The following TNKS1BP1 variants were observed in gnomAD, a reference collection of about 807,000 sequenced individuals.
The protein encoded by TNKS1BP1 is 182 kDa tankyrase-1-binding protein.
A neutral mutation model predicts 141.1 loss-of-function variants in TNKS1BP1; 48 were observed. The observed-to-expected ratio is 0.34, with a 90% CI of 0.27 to 0.43. The LOEUF (loss-of-function observed/expected upper bound fraction) is 0.43. TNKS1BP1 is among the 20% of genes least tolerant of loss of function. The probability of loss-of-function intolerance (pLI) is 1.00; values close to 1 mark genes in which losing one functional copy is unlikely to be tolerated. For synonymous variants in TNKS1BP1, 875 were observed against 898.2 expected (o/e 0.97, Z 0.46); for missense variants, 2,149 against 2,226.0 (o/e 0.97, Z 0.70).
chr11:57,308,776 C>T lies in TNKS1BP1; in HGVS notation c.3935G>A (p.Gly1312Asp). The T allele has an allele frequency of 1.2e-6, 2 of 1,614,032 alleles. No individual in the cohort carries two copies. Among genetic ancestry groups the T allele is most frequent in the Non-Finnish European group, 1.7e-6 (2 of 1,179,994 alleles). Residue 1312 changes from glycine (G) to aspartate (D), a missense_variant, in exon 6 of 12, where the codon GGT becomes GAT. Coordinates refer to ENST00000358252, the MANE Select transcript of TNKS1BP1 (RefSeq NM_033396.3). ...CAAATCCCTCAGGCCCAGATTGTTACCCCAGTCCATCTGGCCCACCCCAAG... is the reference window on the plus strand; with the variant it reads ...CAAATCCCTCAGGCCCAGATTGTTATCCCAGTCCATCTGGCCCACCCCAAG... ...KELGVGQMDW[G>D]NNLGLRDLEV... is the part of the protein sequence containing the mutation.
At position 57,320,195 on chromosome 11, in the gene TNKS1BP1, C is replaced by T. The variant is rs200073928; in HGVS notation, c.612G>A (p.Thr204=). The T allele has an allele frequency of 3.7e-6, 6 of 1,614,064 alleles. No homozygotes were observed. Among genetic ancestry groups the T allele is most frequent in the Middle Eastern group, 1.6e-4 (1 of 6,084 alleles). The change falls in exon 3 of 12, where the codon ACG becomes ACA. Residue 204 remains threonine, a synonymous_variant. Coordinates refer to ENST00000358252, the MANE Select transcript of TNKS1BP1 (RefSeq NM_033396.3). ...SSRYGPRTYG[T]TTAPRDEDGS... is the part of the protein sequence containing the mutation. ...CATCCTCATCCCTGGGAGCAGTGGT[C>T]GTGCCATAGGTCCTGGGGCCATATC...
In TNKS1BP1 at chr11:57,302,160, T is replaced by G. The variant is rs780691742; in HGVS notation, c.4748A>C (p.His1583Pro). Residue 1583 changes from histidine (H) to proline (P), a missense_variant, in exon 8 of 12, where the codon CAC (histidine) becomes CCC (proline). Transcript: ENST00000358252. The surrounding 1 kb of genome is among the most constrained non-coding windows in gnomAD (Gnocchi z 5.5). The stretch of plus-strand genomic sequence containing the variant: ...CCCAGGCCGAATGACCGGGGCCCGG[T>G]GCCCACGCTTGCGCCCCAAGTTGGC... ...SRANLGRKRG[H>P]RAPVIRPGGT... is the part of the protein sequence containing the mutation. 5 of 1,613,318 alleles carry G rather than the reference T, an allele frequency of 3.1e-6. No homozygotes were observed.
chr11:57,321,744 T>TGGCCCCCC, intron 2 of TNKS1BP1, 48 bp downstream of exon 2: 1 of 1,039,822 alleles, frequency 9.6e-7, no homozygotes, highest in Non-Finnish European at 1.5e-6. Flanking sequence ...CCTCTGTCCT[T>TGGCCCCCC]CCCACCCCCC....
intron 3 of TNKS1BP1, 59 bp downstream of exon 3, chr11:57,320,020 C>CCCCCCCCCCACCCCA: frequency 5.8e-6 from 7 of 1,213,892 alleles, no homozygotes; most frequent in Non-Finnish European, 7.0e-6. Context: ...AGCCCCCACC[C>CCCCCCCCCCACCCCA]AATCCCACCC....
chr11:57,314,574 GGCT>G (rs931794324), intron 4 of TNKS1BP1, among the ~76,000 whole-genome samples: 3 of 152,198 alleles, frequency 2.0e-5, no homozygotes, highest in African/African-American at 7.2e-5. Flanking sequence ...TGTACATTAG[GGCT>G]GGTGGCAACA....
intron 6 of TNKS1BP1, chr11:57,303,073 G>C (rs553254745): frequency 7.0e-5 from 31 of 441,312 alleles, no homozygotes; most frequent in African/African-American, 5.3e-4. Context: ...AACAGCTCAG[G>C]CTCCTCTAAC....
chr11:57,306,292 A>AG (rs1855608908), intron 6 of TNKS1BP1, among the ~76,000 whole-genome samples: 1 of 146,084 alleles, frequency 6.8e-6, no homozygotes, highest in African/African-American at 2.5e-5. Flanking sequence ...TTTCAAAAAA[A>AG]AAAAGAGAAA....
chr11:57,307,369 C>A lies in TNKS1BP1; in HGVS notation c.4316+1026G>T, dbSNP rs532046766. On this transcript the variant is annotated intron_variant, in intron 6 of 11. Coordinates refer to ENST00000358252, the MANE Select transcript of TNKS1BP1 (RefSeq NM_033396.3). ...GTGGTTCCCTGTGCTCCGTCACCAC[C>A]CCGTCAACAGCCTGAGTCGTCAGGA... Among the ~76,000 whole-genome samples the A allele has an allele frequency of 4.6e-5, 7 of 152,258 alleles. No individual in the cohort carries two copies. The South Asian group carries it at 1.2e-3, about 27-fold the overall frequency.
intron 6 of TNKS1BP1, among the ~76,000 whole-genome samples, chr11:57,306,298 A>G (rs1855609385): frequency 1.3e-5 from 2 of 151,916 alleles, no homozygotes; most frequent in Non-Finnish European, 2.9e-5. Flanking sequence ...AAAAAAAAAG[A>G]GAAAGTGCCC....
At position 57,308,877 on chromosome 11, in the gene TNKS1BP1, C is replaced by G. The variant is rs748585830; in HGVS notation, c.3834G>C (p.Gln1278His). The G allele has an allele frequency of 2.5e-6, 4 of 1,613,894 alleles. No homozygotes were observed. The East Asian group carries it at 8.9e-5, about 36-fold the overall frequency. The change falls in exon 6 of 12, where the codon CAG becomes CAC. Residue 1278 changes from glutamine to histidine, a missense_variant. Gln to His is a conservative substitution (Grantham distance 24, BLOSUM62 0). Coordinates refer to ENST00000358252, the MANE Select transcript of TNKS1BP1 (RefSeq NM_033396.3). ...GCCCAAGGTCAGGTGTCCAGTCTGCCTGTCCAACTCCACGCTCCCTTGATT... is the reference window on the plus strand; with the variant it reads ...GCCCAAGGTCAGGTGTCCAGTCTGCGTGTCCAACTCCACGCTCCCTTGATT... Reference protein sequence around the residue: ...FLKSRERGVGQADWTPDLGLR... With the variant: ...FLKSRERGVGHADWTPDLGLR...
At position 57,313,167 on chromosome 11, in the gene TNKS1BP1, G is replaced by T; in HGVS notation, c.1521C>A (p.Ala507=). 1 of 1,612,894 alleles carries T rather than the reference G, an allele frequency of 6.2e-7. No homozygotes were observed. Among genetic ancestry groups the T allele is most frequent in the Non-Finnish European group, 8.5e-7 (1 of 1,180,038 alleles). The stretch of plus-strand genomic sequence containing the variant: ...CCAAGTTGCCAGCCTCAGCAGCCTC[G>T]GCGGCCTCACTGGCTTCAGTGATGG... ...PSPITEASEA[A]EAAEAGNLAV... is the part of the protein sequence containing the mutation. The change falls in exon 5 of 12, where the codon GCC becomes GCA. Residue 507 remains alanine, a synonymous_variant. Coordinates refer to ENST00000358252, the MANE Select transcript of TNKS1BP1 (RefSeq NM_033396.3).
In TNKS1BP1 at chr11:57,308,533, G is replaced by C. The variant is rs753705878; in HGVS notation, c.4178C>G (p.Pro1393Arg). Residue 1393 changes from proline to arginine, a missense_variant, in exon 6 of 12, where the codon CCC becomes CGC. Pro to Arg is a moderately radical substitution (Grantham distance 103). Coordinates refer to ENST00000358252, the MANE Select transcript of TNKS1BP1 (RefSeq NM_033396.3). Reference sequence around the variant, plus strand: ...AACCCCCAGCTCCCTGGCCTCCAAGGGGTCTCTGGCCTCCAGGCCAGGAGA... The same window carrying C: ...AACCCCCAGCTCCCTGGCCTCCAAGCGGTCTCTGGCCTCCAGGCCAGGAGA... ...SLSPGLEARD[P>R]LEARELGVGE... 6.2e-7 allele frequency: 1 copy of C among 1,614,122 alleles called. No individual in the cohort carries two copies. Among genetic ancestry groups the C allele is most frequent in the Non-Finnish European group, 8.5e-7 (1 of 1,180,002 alleles).
At chr11:57,305,119 G>A (rs981794197) in intron 6 of TNKS1BP1, among the ~76,000 whole-genome samples, 1 of 152,258 alleles carries the variant, frequency 6.6e-6, no homozygotes, top group East Asian at 1.9e-4. Flanking sequence ...TCCCGGCATG[G>A]GAGCAGGAAA....
At chr11:57,306,903 T>TGGGGGGGGGGGGGGGGGG (rs796934603) in intron 6 of TNKS1BP1, among the ~76,000 whole-genome samples, 1 of 70,176 alleles carries the variant, frequency 1.4e-5, no homozygotes, top group African/African-American at 7.5e-5. Context: ...GCTGTGGTGG[T>TGGGGGGGGGGGGGGGGGG]GGGGGGGGGG....
At chr11:57,308,369 A>G (rs1439293546) in intron 6 of TNKS1BP1, 26 bp downstream of exon 6, 1 of 1,589,920 alleles carries the variant, frequency 6.3e-7, no homozygotes, top group Non-Finnish European at 8.6e-7. Context: ...TCCCTCCCAC[A>G]CTTGGGATGG....
Position 57,309,838 on chromosome 11 carries a change from ATCCAAGCGC to A in TNKS1BP1, c.2864_2872del (p.Ser955_Trp957del), listed in dbSNP as rs1188484702. The A allele has an allele frequency of 6.2e-7, 1 of 1,614,136 alleles. No individual in the cohort carries two copies. Among genetic ancestry groups the A allele is most frequent in the Non-Finnish European group, 8.5e-7 (1 of 1,180,018 alleles). ...GCTGCCACCACTGCTGTAGTCCCTT[ATCCAAGCGC>A]TCTTCCCAAACTCCTGTTCCTGTGG... On this transcript the variant is annotated inframe_deletion, in exon 6 of 12. Coordinates refer to ENST00000358252, the MANE Select transcript of TNKS1BP1 (RefSeq NM_033396.3). The surrounding 1 kb of genome is among the most constrained non-coding windows in gnomAD (Gnocchi z 4.3).
intron 6 of TNKS1BP1, among the ~76,000 whole-genome samples, chr11:57,306,916 T>TGGGGGGGGGGGGGG (rs1189050190): frequency 5.3e-4 from 6 of 11,384 alleles, no homozygotes; most frequent in Non-Finnish European, 6.2e-4. Flanking sequence ...GGGGGGGGGT[T>TGGGGGGGGGGGGGG]GGGTGGGAGG....
At chr11:57,324,451 G>T (rs1296319329) in intron 1 of TNKS1BP1, among the ~76,000 whole-genome samples, 1 of 151,862 alleles carries the variant, frequency 6.6e-6, no homozygotes, top group Non-Finnish European at 1.5e-5. Flanking sequence ...TCGATCAGGT[G>T]GGGGCGGACT....
chr11:57,315,988 C>T (rs1163751572), intron 4 of TNKS1BP1, among the ~76,000 whole-genome samples: 4 of 152,192 alleles, frequency 2.6e-5, no homozygotes, highest in Non-Finnish European at 4.4e-5. Context: ...CTTGACCCCA[C>T]ATCACTCACT....
Sources: allele counts gnomAD v4.1 joint callset (sites outside exome capture counted in the v4.1 genomes callset), GRCh38; gene constraint gnomAD v4.1.1; non-coding constraint Gnocchi (gnomAD v3.1); transcripts MANE v1.5; gene names NCBI Gene and HGNC (gene_info 2026-07-23, HGNC 2026-07-21).